GCN1: variants seen among roughly 807,000 people sequenced by gnomAD.
The protein encoded by GCN1 is GCN1 activator of EIF2AK4.
In GCN1, 90 loss-of-function variants were observed where a neutral mutation model predicts 288.4. The ratio of observed to expected loss-of-function variants is 0.31; its 90% CI spans 0.26 to 0.37. GCN1 has a LOEUF of 0.37. Ranked by LOEUF, GCN1 falls within the 10% of genes least tolerant of loss-of-function variation. GCN1 has a pLI of 1.00. For missense variants in GCN1, 2,586 were observed against 3,419.9 expected, an observed-to-expected ratio of 0.76 and a Z score of 6.08; for synonymous variants, 1,386 against 1,420.2, an observed-to-expected ratio of 0.98 and a Z score of 0.54.
intron 1 of GCN1, among the ~76,000 whole-genome samples, chr12:120,193,327 C>CA (rs1879067170): frequency 6.6e-6 from 1 of 151,078 alleles, no homozygotes; most frequent in Non-Finnish European, 1.5e-5. Context: ...TTTTTTGAGA[C>CA]AGAGTCCCAC....
chr12:120,156,795 C>T lies in GCN1; in HGVS notation c.3168+117G>A, dbSNP rs1313820393. Reference sequence around the variant, plus strand: ...AGGCTGGCTCTCTAAAGCAGTCTTTCTACCAAAGTCCAAAAGTAAGGGCTG... The same window carrying T: ...AGGCTGGCTCTCTAAAGCAGTCTTTTTACCAAAGTCCAAAAGTAAGGGCTG... On this transcript the variant is annotated intron_variant, in intron 27 of 57. Coordinates refer to ENST00000300648, the MANE Select transcript of GCN1 (RefSeq NM_006836.2). This position sits in a 1 kb window ranked among gnomAD's most constrained non-coding sequence, Gnocchi z 5.8. The T allele has an allele frequency of 1.1e-6, 1 of 943,390 alleles. No homozygotes were observed. Among genetic ancestry groups the T allele is most frequent in the African/African-American group, 1.6e-5 (1 of 61,860 alleles). The allele number at this position is 943,390 out of a possible 1,614,324, so 58.4% of individuals were successfully genotyped here.
rs749062963 is a variant in GCN1, at chr12:120,153,929, A to C, written c.3702-20T>G. Reference sequence around the variant, plus strand: ...CCACACCTGGGAAAGAAGTGGGAGCACATCAGGAGGGGCAGTCAGGGGGCC... The same window carrying C: ...CCACACCTGGGAAAGAAGTGGGAGCCCATCAGGAGGGGCAGTCAGGGGGCC... On this transcript the variant is annotated intron_variant, in intron 31 of 57. Coordinates refer to ENST00000300648, the MANE Select transcript of GCN1 (RefSeq NM_006836.2). This position sits in a 1 kb window ranked among gnomAD's most constrained non-coding sequence, Gnocchi z 4.4. 6.8e-6 allele frequency: 11 copies of C among 1,609,006 alleles called. 1 individual carries two copies. In the South Asian group the frequency reaches 1.2e-4, roughly 18 times the overall value.
chr12:120,190,867 G>A (rs1211179963), intron 1 of GCN1, among the ~76,000 whole-genome samples: 1 of 152,130 alleles, frequency 6.6e-6, no homozygotes, highest in Non-Finnish European at 1.5e-5. Context: ...TCCCCATAAA[G>A]GGAATGTCAG....
intron 26 of GCN1, 44 bp from the exon 27 acceptor site, chr12:120,157,036 G>C: frequency 7.2e-7 from 1 of 1,382,158 alleles, no homozygotes; most frequent in Admixed American, 1.7e-5. Context: ...CTGTGGGGAG[G>C]TCTGTAACCC....
rs1224829567 is a variant in GCN1 at position 120,164,556 on chromosome 12, A to G, written c.1689-61T>C. On this transcript the variant is annotated intron_variant, in intron 17 of 57. Transcript: ENST00000300648. ...CCAAGAGCAGGGCTTTCCACAGCCA[A>G]CCCTTCCACCTGCCACACACCCTTT... 4 of 1,598,248 alleles carry G rather than the reference A, an allele frequency of 2.5e-6. No individual in the cohort carries two copies. In the African/African-American group the frequency reaches 4.0e-5, roughly 16 times the overall value.
Position 120,184,252 on chromosome 12 carries a change from A to G in GCN1, c.186-9T>C. On this transcript the variant is annotated splice_polypyrimidine_tract_variant and intron_variant, in intron 3 of 57. Coordinates refer to ENST00000300648, the MANE Select transcript of GCN1 (RefSeq NM_006836.2). ...TGCGGGAGGCTGCATCTCTAGGGGGAGAGGCAAAGGAAAGGGTGAACATGC... is the reference window on the plus strand; with the variant it reads ...TGCGGGAGGCTGCATCTCTAGGGGGGGAGGCAAAGGAAAGGGTGAACATGC... 3 of 1,608,266 alleles carry G rather than the reference A, an allele frequency of 1.9e-6. No individual in the cohort carries two copies. Among genetic ancestry groups the G allele is most frequent in the Non-Finnish European group, 8.5e-7 (1 of 1,177,774 alleles).
intron 1 of GCN1, among the ~76,000 whole-genome samples, chr12:120,192,732 GAAAAAA>G (rs10555637): frequency 4.6e-5 from 5 of 108,626 alleles, no homozygotes; most frequent in Non-Finnish European, 7.9e-5. Flanking sequence ...ACTCCGTCTC[GAAAAAA>G]AAAAAAAAAG....
At chr12:120,159,011 CAA>C (rs56356587) in intron 24 of GCN1, among the ~76,000 whole-genome samples, 8 of 113,940 alleles carry the variant, frequency 7.0e-5, no homozygotes, top group African/African-American at 1.3e-4. Flanking sequence ...GACTCCGTCT[CAA>C]AAAAAAAAAA....
chr12:120,164,553 C>T (rs908203568), intron 17 of GCN1, 58 bp from the exon 18 acceptor site: 2 of 1,600,358 alleles, frequency 1.2e-6, no homozygotes, highest in African/African-American at 2.7e-5. Flanking sequence ...CTTTCCACAG[C>T]CAACCCTTCC....
chr12:120,143,863 A>G (rs1274088301), intron 42 of GCN1, among the ~76,000 whole-genome samples: 2 of 152,242 alleles, frequency 1.3e-5, no homozygotes, highest in Non-Finnish European at 2.9e-5. Context: ...GGAAACTGGA[A>G]AAGTTACAAA....
At chr12:120,173,202 G>A (rs1878365502) in intron 14 of GCN1, among the ~76,000 whole-genome samples, 1 of 152,006 alleles carries the variant, frequency 6.6e-6, no homozygotes, top group Non-Finnish European at 1.5e-5. Context: ...GATTACAGGT[G>A]CCCGCCACCA....
chr12:120,189,517 C>T (rs1012802792), intron 2 of GCN1, among the ~76,000 whole-genome samples: 5 of 150,588 alleles, frequency 3.3e-5, no homozygotes, highest in African/African-American at 4.8e-5. Flanking sequence ...TGCACACCAC[C>T]ACACCTGGCT....
rs559375182 is a variant in GCN1 at position 120,152,675 on chromosome 12, A to AAT, written c.4062+536_4062+537dup. ...CACACACACAAAATATATATATATAAATATATATATATTTATATATACATA... is the reference window on the plus strand; with the variant it reads ...CACACACACAAAATATATATATATAAATATATATATATATTTATATATACATA... On this transcript the variant is annotated intron_variant, in intron 33 of 57. Transcript: ENST00000300648. Among the ~76,000 whole-genome samples the AAT allele has an allele frequency of 3.5e-3, 496 of 140,570 alleles. 4 individuals carry two copies. Among genetic ancestry groups the AAT allele is most frequent in the African/African-American group, 0.012 (449 of 38,306 alleles). The allele number at this position is 140,570 out of a possible 152,430, so 92.2% of individuals were successfully genotyped here.
chr12:120,168,081 T>C (rs1011652562), intron 16 of GCN1, 127 bp downstream of exon 16: 9 of 698,474 alleles, frequency 1.3e-5, no homozygotes, highest in Non-Finnish European at 2.4e-5. Flanking sequence ...AGCTAAGCTG[T>C]TGGCCAGATC....
chr12:120,194,500 C>A (rs1403141845), intron 1 of GCN1, among the ~76,000 whole-genome samples, 180 bp downstream of exon 1: 1 of 152,102 alleles, frequency 6.6e-6, no homozygotes, highest in African/African-American at 2.4e-5. Context: ...TCTGCCTGCG[C>A]CGCCCGGGCC....
chr12:120,163,318 G>A (rs1291805968), intron 18 of GCN1, 59 bp from the exon 19 acceptor site: 2 of 1,385,208 alleles, frequency 1.4e-6, no homozygotes, highest in African/African-American at 1.4e-5. Flanking sequence ...TGGAACACAG[G>A]AACCAAATAT....
In GCN1 at chr12:120,158,633, G is replaced by C. The variant is rs1480659408; in HGVS notation, c.2750-18C>G. On this transcript the variant is annotated intron_variant, in intron 24 of 57. Transcript: ENST00000300648. This position sits in a 1 kb window ranked among gnomAD's most constrained non-coding sequence, Gnocchi z 4.3. Reference sequence around the variant, plus strand: ...CAAAGTGCCTGTGTTGAAGAGGAGAGACCCAGCAGGAGATGACACACAGAG... The same window carrying C: ...CAAAGTGCCTGTGTTGAAGAGGAGACACCCAGCAGGAGATGACACACAGAG... The C allele has an allele frequency of 4.4e-6, 7 of 1,587,862 alleles. No individual in the cohort carries two copies. Among genetic ancestry groups the C allele is most frequent in the Non-Finnish European group, 6.0e-6 (7 of 1,166,200 alleles).
In GCN1 at chr12:120,134,472, C is replaced by T; in HGVS notation, c.7202+61G>A. Reference sequence around the variant, plus strand: ...CCACCACCCCTCCTGCCAGCGCAGGCTCGGCCCACAGCAACCCCTGGCCTC... The same window carrying T: ...CCACCACCCCTCCTGCCAGCGCAGGTTCGGCCCACAGCAACCCCTGGCCTC... On this transcript the variant is annotated intron_variant, in intron 52 of 57. Coordinates refer to ENST00000300648, the MANE Select transcript of GCN1 (RefSeq NM_006836.2). The surrounding 1 kb of genome is among the most constrained non-coding windows in gnomAD (Gnocchi z 5.0). 1 of 1,595,208 alleles carries T rather than the reference C, an allele frequency of 6.3e-7. No homozygotes were observed. The highest frequency in any genetic ancestry group is 8.6e-7 in the Non-Finnish European group (1 of 1,163,390).
intron 26 of GCN1, 168 bp from the exon 27 acceptor site, chr12:120,157,160 CCA>C: frequency 1.9e-6 from 1 of 530,822 alleles, no homozygotes; most frequent in South Asian, 2.6e-5. Flanking sequence ...GGTGCTAACC[CCA>C]GTCAACCATG....
Sources: gnomAD v4.1 joint callset for allele counts (sites outside exome capture counted in the v4.1 genomes callset) on GRCh38, gnomAD v4.1.1 for gene constraint, Gnocchi (gnomAD v3.1) non-coding constraint, MANE v1.5 for transcripts, NCBI Gene and HGNC (gene_info 2026-07-23, HGNC 2026-07-21) for gene names.